Variants in SOBP observed in about 807,000 individuals in gnomAD.
SOBP encodes the protein sine oculis-binding protein homolog.
In SOBP, 4 loss-of-function variants were observed where a neutral mutation model predicts 53.6. The observed-to-expected ratio is 0.07, with a 90% CI of 0.04 to 0.17. SOBP has a LOEUF of 0.17. SOBP is among the 10% of genes least tolerant of loss of function. The pLI, the probability that SOBP is intolerant of heterozygous loss-of-function variation, is 1.00. For missense variants in SOBP, 1,088 were observed against 1,204.7 expected (o/e 0.90, Z 1.43); for synonymous variants, 584 against 522.6 (o/e 1.12, Z -1.60).
At chr6:107,565,001 AG>A (rs1222037668) in intron 4 of SOBP, among the ~76,000 whole-genome samples, 1 of 152,248 alleles carries the variant, frequency 6.6e-6, no homozygotes, top group Non-Finnish European at 1.5e-5. Context: ...AGAGGGCAAG[AG>A]GGAAACAAGA....
chr6:107,567,945 G>T (rs1355928867), intron 4 of SOBP, among the ~76,000 whole-genome samples: 1 of 152,186 alleles, frequency 6.6e-6, no homozygotes, highest in African/African-American at 2.4e-5. Flanking sequence ...TGGGTGTGTG[G>T]AAGAAGGGGC....
chr6:107,572,322 A>G (rs1175176774), intron 4 of SOBP, among the ~76,000 whole-genome samples: 1 of 120,960 alleles, frequency 8.3e-6, no homozygotes, highest in African/African-American at 2.8e-5. Context: ...TTTTTTTTTT[A>G]AGGCAGAGTT....
chr6:107,661,277 A>G lies in SOBP; in HGVS notation c.*3074A>G, dbSNP rs548593468. On this transcript the variant is annotated 3_prime_UTR_variant, in exon 7 of 7. Coordinates refer to ENST00000317357, the MANE Select transcript of SOBP (RefSeq NM_018013.4). ...GAATGCACAATTCTCTTGGGATATC[A>G]AAACCATATATAAAGAGAAATAGAA... 6.6e-6 allele frequency among the ~76,000 whole-genome samples: 1 copy of G among 152,336 alleles called. No homozygotes were observed. Among genetic ancestry groups the G allele is most frequent in the Admixed American group, 6.5e-5 (1 of 15,300 alleles).
chr6:107,632,459 TATTA>T (rs1463872624), intron 5 of SOBP, among the ~76,000 whole-genome samples: 16 of 152,260 alleles, frequency 1.1e-4, no homozygotes, highest in Admixed American at 4.6e-4. Flanking sequence ...AGATCACTCA[TATTA>T]ATTCTTGTTT....
chr6:107,632,347 AAG>A (rs1408495347), intron 5 of SOBP, among the ~76,000 whole-genome samples: 3 of 151,118 alleles, frequency 2.0e-5, no homozygotes, highest in Non-Finnish European at 2.9e-5. Flanking sequence ...AAAGGAAAAA[AAG>A]AAAAAAGATT....
At position 107,490,478 on chromosome 6, in the gene SOBP, T is replaced by C. The variant is rs1321803727; in HGVS notation, c.-139T>C. On this transcript the variant is annotated 5_prime_UTR_variant, in exon 1 of 7. Transcript: ENST00000317357. ...CGGCGCCTGCCCTCCCCCTCGCGGC[T>C]CGGTCCGGCCCCGCCAGCACCGCTA... 20 of 625,304 alleles carry C rather than the reference T, an allele frequency of 3.2e-5. No individual in the cohort carries two copies. In the East Asian group the frequency reaches 5.2e-4, roughly 16 times the overall value. The allele number at this position is 625,304 out of a possible 1,614,324, so 38.7% of individuals were successfully genotyped here.
intron 4 of SOBP, among the ~76,000 whole-genome samples, chr6:107,560,606 A>G (rs1784746295): frequency 6.6e-6 from 1 of 152,162 alleles, no homozygotes. Context: ...TCACTATATT[A>G]GATACTGGGC....
At chr6:107,653,264 C>G (rs1028441731) in intron 6 of SOBP, among the ~76,000 whole-genome samples, 5 of 152,256 alleles carry the variant, frequency 3.3e-5, no homozygotes, top group Non-Finnish European at 4.4e-5. Flanking sequence ...TGGCATCACA[C>G]TCAGAGTTTA....
At chr6:107,564,300 T>G (rs999970964) in intron 4 of SOBP, among the ~76,000 whole-genome samples, 3 of 152,166 alleles carry the variant, frequency 2.0e-5, no homozygotes. Context: ...AACACTCTCC[T>G]GTAGTTTCAA....
chr6:107,630,165 C>T (rs1032852098), intron 5 of SOBP, among the ~76,000 whole-genome samples: 3 of 152,162 alleles, frequency 2.0e-5, no homozygotes, highest in Admixed American at 1.3e-4. Flanking sequence ...GAGCTCAGTG[C>T]GTAAATCCCT....
At chr6:107,552,981 T>A (rs1230418827) in intron 4 of SOBP, among the ~76,000 whole-genome samples, 1 of 152,134 alleles carries the variant, frequency 6.6e-6, no homozygotes. Context: ...GCTTCCCCAT[T>A]TAAATAGTTT....
chr6:107,540,829 C>T (rs771574915), intron 4 of SOBP, among the ~76,000 whole-genome samples: 1 of 152,172 alleles, frequency 6.6e-6, no homozygotes, highest in Admixed American at 6.5e-5. Flanking sequence ...CTGAGGCTCA[C>T]TGTGTCTATG....
chr6:107,528,593 C>T (rs56015115), intron 3 of SOBP, among the ~76,000 whole-genome samples: 36,167 of 152,172 alleles, frequency 0.24, 4,963 homozygotes, highest in African/African-American at 0.37. Flanking sequence ...GGGCCTTTAA[C>T]TTGTTTTTTG....
intron 6 of SOBP, among the ~76,000 whole-genome samples, chr6:107,656,598 C>G (rs889330229): frequency 3.9e-5 from 6 of 152,224 alleles, no homozygotes; most frequent in African/African-American, 1.2e-4. Context: ...GTGAAACTTT[C>G]AAACCTTGTT....
Position 107,533,621 on chromosome 6 carries a change from C to T in SOBP, c.573+11C>T, listed in dbSNP as rs766875109. 1.1e-5 allele frequency: 18 copies of T among 1,613,656 alleles called. No homozygotes were observed. Among genetic ancestry groups the T allele is most frequent in the African/African-American group, 1.1e-4 (8 of 74,886 alleles). ...TTCAAGAGAAATAAGGTAAGAGCACCGGAGAGAGAGGCGGCCCCCCACAGG... is the reference window on the plus strand; with the variant it reads ...TTCAAGAGAAATAAGGTAAGAGCACTGGAGAGAGAGGCGGCCCCCCACAGG... On this transcript the variant is annotated intron_variant, in intron 4 of 6. Transcript: ENST00000317357.
At chr6:107,604,957 A>G (rs1424009742) in intron 5 of SOBP, among the ~76,000 whole-genome samples, 2 of 152,202 alleles carry the variant, frequency 1.3e-5, no homozygotes, top group African/African-American at 4.8e-5. Flanking sequence ...GTTCATAAAA[A>G]TTCTTTGGCC....
In SOBP at chr6:107,632,461, T is replaced by C. The variant is rs371568970; in HGVS notation, c.670-1053T>C. Among the ~76,000 whole-genome samples, 41 of 152,338 alleles carry C rather than the reference T, an allele frequency of 2.7e-4. 1 individual carries two copies. In the South Asian group the frequency reaches 8.3e-3, roughly 31 times the overall value. On this transcript the variant is annotated intron_variant, in intron 5 of 6. Coordinates refer to ENST00000317357, the MANE Select transcript of SOBP (RefSeq NM_018013.4). ...TATAGCTATGGCAAGATCACTCATATTAATTCTTGTTTAAAATGCCATATG... is the reference window on the plus strand; with the variant it reads ...TATAGCTATGGCAAGATCACTCATACTAATTCTTGTTTAAAATGCCATATG...
At chr6:107,594,241 T>C (rs1785860637) in intron 5 of SOBP, among the ~76,000 whole-genome samples, 1 of 152,186 alleles carries the variant, frequency 6.6e-6, no homozygotes, top group South Asian at 2.1e-4. Flanking sequence ...GATGACTGCC[T>C]GTAAGGTGTT....
intron 6 of SOBP, among the ~76,000 whole-genome samples, chr6:107,653,085 T>C (rs1656966247): frequency 6.6e-6 from 1 of 152,164 alleles, no homozygotes; most frequent in Non-Finnish European, 1.5e-5. Context: ...CATCAGTTAA[T>C]GAGCTATAAG....
Sources: allele counts gnomAD v4.1 joint callset (sites outside exome capture counted in the v4.1 genomes callset), GRCh38; gene constraint gnomAD v4.1.1; transcripts MANE v1.5; gene names NCBI Gene and HGNC (gene_info 2026-07-23, HGNC 2026-07-21).